Variants in LDHB observed in about 807,000 individuals in gnomAD.
LDHB encodes lactate dehydrogenase B.
In LDHB, 18 loss-of-function variants were observed where a neutral mutation model predicts 33.4. That is an observed-to-expected ratio of 0.54 (90% CI 0.37 to 0.80). The LOEUF is 0.80. Ranked by LOEUF, LDHB falls within the 30% of genes least tolerant of loss-of-function variation. LDHB has a pLI of 0.00. For missense variants in LDHB, 345 were observed against 407.9 expected (o/e 0.85, Z 1.33); for synonymous variants, 121 against 140.6 (o/e 0.86, Z 0.98).
rs1184696761 is a variant in LDHB, at chr12:21,654,661, A to G, written c.11T>C (p.Leu4Pro). The G allele has an allele frequency of 1.9e-6, 3 of 1,613,710 alleles. No homozygotes were observed. Among genetic ancestry groups the G allele is most frequent in the African/African-American group, 1.3e-5 (1 of 74,934 alleles). The change falls in exon 2 of 8, where the codon CTT (leucine) becomes CCT (proline). Residue 4 changes from leucine (L) to proline (P), a missense_variant. By Grantham distance (98) the Leu-to-Pro change is moderately conservative (BLOSUM62 -3). Coordinates refer to ENST00000350669, the MANE Select transcript of LDHB (RefSeq NM_002300.8). ...AACTGGTGCAATGAGTTTTTCCTTAAGAGTTGCCATTTTGCACTGCAAGGA... is the reference window on the plus strand; with the variant it reads ...AACTGGTGCAATGAGTTTTTCCTTAGGAGTTGCCATTTTGCACTGCAAGGA... MATLKEKLIAPVAE... is the reference protein window; with the variant it reads MATPKEKLIAPVAE...
At chr12:21,642,987 T>TAA (rs1938413245) in intron 4 of LDHB, among the ~76,000 whole-genome samples, 1 of 152,380 alleles carries the variant, frequency 6.6e-6, no homozygotes, top group East Asian at 1.9e-4. Context: ...CAGGATGCAG[T>TAA]AACTTACTAT....
Position 21,643,972 on chromosome 12 carries a change from G to T in LDHB, c.384C>A (p.Tyr128Ter). 1 of 1,612,706 alleles carries T rather than the reference G, an allele frequency of 6.2e-7. No individual in the cohort carries two copies. ...CCACAATTATGATGCAATCAGGACT[G>T]TACTTGACGATCTGAGGAATAATGA... ...FKFIIPQIVK[Y>*]SPDCIIIVVS... is the part of the protein sequence containing the mutation. The change falls in exon 4 of 8, where the codon TAC (tyrosine) becomes TAA (stop). Residue 128 changes from tyrosine (Y) to a stop codon, truncating the protein, a stop_gained. Transcript: ENST00000350669. LOFTEE classifies it high-confidence loss of function.
At chr12:21,642,476 C>G (rs1438002584) in intron 4 of LDHB, among the ~76,000 whole-genome samples, 1 of 151,590 alleles carries the variant, frequency 6.6e-6, no homozygotes, top group African/African-American at 2.4e-5. Flanking sequence ...GTTAAGTTTC[C>G]CCCAGTTGTA....
At position 21,642,888 on chromosome 12, in the gene LDHB, G is replaced by C. The variant is rs1223604911; in HGVS notation, c.422-763C>G. On this transcript the variant is annotated intron_variant, in intron 4 of 7. Coordinates refer to ENST00000350669, the MANE Select transcript of LDHB (RefSeq NM_002300.8). ...TGGATAACTTTTCCTTGCCAACTTT[G>C]ATTCCATGGAAGTGACTCCCTGGAA... is the stretch of plus-strand genomic sequence containing the variant. Among the ~76,000 whole-genome samples, 3 of 152,196 alleles carry C rather than the reference G, an allele frequency of 2.0e-5. No individual in the cohort carries two copies. In the East Asian group the frequency reaches 5.8e-4, roughly 29 times the overall value.
At chr12:21,639,795 A>C (rs557608014) in intron 5 of LDHB, among the ~76,000 whole-genome samples, 4 of 152,056 alleles carry the variant, frequency 2.6e-5, no homozygotes, top group Non-Finnish European at 5.9e-5. Context: ...CAAGAGAGAC[A>C]CATAGGACCA....
chr12:21,644,759 T>A (rs572261770), intron 3 of LDHB, among the ~76,000 whole-genome samples: 1 of 152,328 alleles, frequency 6.6e-6, no homozygotes, highest in African/African-American at 2.4e-5. Flanking sequence ...TGGTAATACT[T>A]TGTAAGGTTC....
At chr12:21,651,742 T>G (rs1238686442) in intron 2 of LDHB, among the ~76,000 whole-genome samples, 1 of 152,238 alleles carries the variant, frequency 6.6e-6, no homozygotes, top group African/African-American at 2.4e-5. Flanking sequence ...TTTCTAATCT[T>G]TACCATGTAT....
chr12:21,651,158 C>A (rs1201531057), intron 2 of LDHB, among the ~76,000 whole-genome samples: 1 of 152,220 alleles, frequency 6.6e-6, no homozygotes, highest in African/African-American at 2.4e-5. Flanking sequence ...ATGGTACCAT[C>A]ATGTTGCACT....
chr12:21,655,498 G>A (rs968472898), intron 1 of LDHB, among the ~76,000 whole-genome samples: 49 of 152,294 alleles, frequency 3.2e-4, no homozygotes, highest in Non-Finnish European at 5.1e-4. Context: ...GTGTTACAGT[G>A]TACTGGACAT....
rs1565629849 is a variant in LDHB at position 21,650,140 on chromosome 12, ACACACACACACG to A, written c.130-3136_130-3125del. 8.7e-4 allele frequency among the ~76,000 whole-genome samples: 129 copies of A among 148,722 alleles called. 3 individuals are homozygous for A. Among genetic ancestry groups the A allele is most frequent in the East Asian group, 3.7e-3 (19 of 5,132 alleles). Reference sequence around the variant, plus strand: ...CACACACACACACACACACACACACACACACACACACGTCTCTCTCTCCAAGTGTTTAGTATG... The same window carrying A: ...CACACACACACACACACACACACACATCTCTCTCTCCAAGTGTTTAGTATG... On this transcript the variant is annotated intron_variant, in intron 2 of 7. Transcript: ENST00000350669.
chr12:21,638,343 T>G lies in LDHB; in HGVS notation c.713+10A>C. ...ATTAATCATCTAAAATCAAGTTCCC[T>G]TTCACTTACCTTTCAACCACCATCT... On this transcript the variant is annotated intron_variant, in intron 6 of 7. Coordinates refer to ENST00000350669, the MANE Select transcript of LDHB (RefSeq NM_002300.8). 1 of 1,428,364 alleles carries G rather than the reference T, an allele frequency of 7.0e-7. No homozygotes were observed. The highest frequency in any genetic ancestry group is 1.7e-5 in the Admixed American group (1 of 59,672). The allele number at this position is 1,428,364 out of a possible 1,614,324, so 88.5% of individuals were successfully genotyped here. A position where few individuals can be genotyped will look rare whatever the true frequency, so the allele number is the denominator to read the frequency against.
Position 21,645,085 on chromosome 12 carries a change from C to T in LDHB, c.248-977G>A, listed in dbSNP as rs1056819813. Among the ~76,000 whole-genome samples, 3 of 152,054 alleles carry T rather than the reference C, an allele frequency of 2.0e-5. No homozygotes were observed. In the East Asian group the frequency reaches 5.8e-4, roughly 29 times the overall value. On this transcript the variant is annotated intron_variant, in intron 3 of 7. Transcript: ENST00000350669. ...ATCTGTAACCCTACCCCCACCCCTG[C>T]GCTCCCTGAAACATGTGCTGTGTCA...
intron 2 of LDHB, among the ~76,000 whole-genome samples, chr12:21,650,720 A>T (rs1938665498): frequency 6.6e-6 from 1 of 152,218 alleles, no homozygotes; most frequent in Admixed American, 6.5e-5. Context: ...GTTTGACAAA[A>T]CATGAGTGAA....
intron 1 of LDHB, chr12:21,657,499 A>C (rs1481015702): frequency 6.6e-6 from 1 of 152,438 alleles, no homozygotes; most frequent in Non-Finnish European, 1.5e-5. Context: ...TTTAGCTGCA[A>C]ATGCAACAAG....
intron 2 of LDHB, 41 bp downstream of exon 2, chr12:21,654,502 T>C (rs1565631329): frequency 6.3e-7 from 1 of 1,599,958 alleles, no homozygotes; most frequent in Middle Eastern, 1.7e-4. Flanking sequence ...TGTGTATACA[T>C]GCTGAACTTC....
rs1591828979 is a variant in LDHB, at chr12:21,642,025, A to G, written c.522T>C (p.Leu174=). The G allele has an allele frequency of 6.2e-7, 1 of 1,613,696 alleles. No individual in the cohort carries two copies. Among genetic ancestry groups the G allele is most frequent in the Non-Finnish European group, 8.5e-7 (1 of 1,179,746 alleles). The change falls in exon 5 of 8, where the codon CTT becomes CTC. Residue 174 remains leucine, a synonymous_variant. Coordinates refer to ENST00000350669, the MANE Select transcript of LDHB (RefSeq NM_002300.8). ...GATGAATGCCAAGTTTTTCAGCCAT[A>G]AGGTAGCGAAATCTAGCAGAATCCA... ...CNLDSARFRY[L]MAEKLGIHPS...
rs563579006 is a variant in LDHB, at chr12:21,649,241, GTC to G, written c.130-2227_130-2226del. ...AGGATGTCACAGGATGTCAGATCCT[GTC>G]TCTGTTTCAGTGGGTGTAGAGAATT... On this transcript the variant is annotated intron_variant, in intron 2 of 7. Coordinates refer to ENST00000350669, the MANE Select transcript of LDHB (RefSeq NM_002300.8). Among the ~76,000 whole-genome samples, 30 of 152,310 alleles carry G rather than the reference GTC, an allele frequency of 2.0e-4. No individual in the cohort carries two copies. In the South Asian group the frequency reaches 5.6e-3, roughly 28 times the overall value.
At chr12:21,648,541 G>GA (rs1938594067) in intron 2 of LDHB, among the ~76,000 whole-genome samples, 1 of 151,632 alleles carries the variant, frequency 6.6e-6, no homozygotes, top group Admixed American at 6.6e-5. Context: ...TTAATGGGGG[G>GA]GAGGGGCCAG....
At chr12:21,647,190 A>G (rs1457094019) in intron 2 of LDHB, among the ~76,000 whole-genome samples, 174 bp from the exon 3 acceptor site, 2 of 152,218 alleles carry the variant, frequency 1.3e-5, no homozygotes, top group African/African-American at 4.8e-5. Flanking sequence ...GATACAAACT[A>G]TACTTTAAGA....
Sources: gnomAD v4.1 joint callset for allele counts (sites outside exome capture counted in the v4.1 genomes callset) on GRCh38, gnomAD v4.1.1 for gene constraint, MANE v1.5 for transcripts, NCBI Gene and HGNC (gene_info 2026-07-23, HGNC 2026-07-21) for gene names.